HPX: variants seen among roughly 807,000 people sequenced by gnomAD.
HPX encodes the protein beta-1B-glycoprotein.
HPX carries 42 observed loss-of-function variants against 53.8 expected under a neutral mutation model. That is an observed-to-expected ratio of 0.78 (90% CI 0.61 to 1.01). HPX has a LOEUF of 1.01. Among genes scored for constraint, HPX ranks in the 50% least tolerant of loss-of-function variants. HPX has a pLI of 0.00. For missense variants in HPX, 547 were observed against 594.3 expected (o/e 0.92, Z 0.83); for synonymous variants, 229 against 221.1 (o/e 1.04, Z -0.32).
At chr11:6,433,306 A>G (rs1300342032) in intron 7 of HPX, among the ~76,000 whole-genome samples, 1 of 152,166 alleles carries the variant, frequency 6.6e-6, no homozygotes, top group African/African-American at 2.4e-5. Context: ...CCTCCCAAGT[A>G]GGCTGAGATT....
Position 6,437,082 on chromosome 11 carries a change from T to A in HPX, c.799A>T (p.Thr267Ser). ...TAGGTGGCACCATGGTTGTCAGACG[T>A]CAGTGCAGACAAGACTAGATGTGGG... is the stretch of plus-strand genomic sequence containing the variant. ...CSPHLVLSAL[T>S]SDNHGATYAF... Residue 267 changes from threonine to serine, a missense_variant, in exon 7 of 10, where the codon ACG becomes TCG. By Grantham distance (58) the Thr-to-Ser change is moderately conservative. Transcript: ENST00000265983. 1 of 1,614,078 alleles carries A rather than the reference T, an allele frequency of 6.2e-7. No individual in the cohort carries two copies. The highest frequency in any genetic ancestry group is 1.1e-5 in the South Asian group (1 of 91,084).
At chr11:6,438,637 T>C in intron 4 of HPX, 128 bp from the exon 5 acceptor site, 1 of 821,046 alleles carries the variant, frequency 1.2e-6, no homozygotes, top group East Asian at 2.6e-5. Context: ...TCAGTCCATC[T>C]GTGGACAACA....
At position 6,431,667 on chromosome 11, in the gene HPX, C is replaced by G. The variant is rs776401948; in HGVS notation, c.1103G>C (p.Gly368Ala). The G allele has an allele frequency of 1.9e-6, 3 of 1,613,922 alleles. No homozygotes were observed. Among genetic ancestry groups the G allele is most frequent in the Non-Finnish European group, 2.5e-6 (3 of 1,180,042 alleles). Residue 368 changes from glycine to alanine, a missense_variant, in exon 9 of 10, where the codon GGG (glycine) becomes GCG (alanine). Transcript: ENST00000265983. ...DSVDAAFICP[G>A]SSRLHIMAGR... ...TGCCATGATATGGAGCCGAGAAGACCCAGGGCAGATAAAGGCCGCATCCAC... is the reference window on the plus strand; with the variant it reads ...TGCCATGATATGGAGCCGAGAAGACGCAGGGCAGATAAAGGCCGCATCCAC...
At chr11:6,436,502 C>T (rs536469131) in intron 7 of HPX, among the ~76,000 whole-genome samples, 1 of 152,284 alleles carries the variant, frequency 6.6e-6, no homozygotes, top group East Asian at 1.9e-4. Flanking sequence ...GCTAGTGAAG[C>T]CAGCCTCTAA....
intron 7 of HPX, among the ~76,000 whole-genome samples, chr11:6,434,559 G>C (rs1421152689): frequency 6.6e-6 from 1 of 152,082 alleles, no homozygotes; most frequent in Non-Finnish European, 1.5e-5. Flanking sequence ...TAGAACTCCT[G>C]GACTCAAGTG....
rs1849467734 is a variant in HPX, at chr11:6,440,470, T to TA, written c.210dup (p.Lys71Ter). On this transcript the variant is annotated frameshift_variant, in exon 3 of 10. Coordinates refer to ENST00000265983, the MANE Select transcript of HPX (RefSeq NM_000613.3). LOFTEE classifies it high-confidence loss of function. ...CCCTAACCTCAGTCCCTCCTACCTT[T>TA]AAAAAACAGCATGGTTCCATTGTCA... 6.2e-7 allele frequency: 1 copy of TA among 1,606,130 alleles called. No individual in the cohort carries two copies. Among genetic ancestry groups the TA allele is most frequent in the Non-Finnish European group, 8.5e-7 (1 of 1,178,370 alleles).
Position 6,440,220 on chromosome 11 carries a change from G to A in HPX, c.281C>T (p.Pro94Leu), listed in dbSNP as rs955567812. 2 of 1,613,854 alleles carry A rather than the reference G, an allele frequency of 1.2e-6. No homozygotes were observed. The highest frequency in any genetic ancestry group is 1.7e-5 in the Admixed American group (1 of 59,986). ...ACGGAATGCAGCATCCACAGGGCTG[G>A]GGAAATTCTTCCATCTCTCTGAGAT... ...ELISERWKNF[P>L]SPVDAAFRQG... Residue 94 changes from proline to leucine, a missense_variant, in exon 4 of 10, where the codon CCC becomes CTC. Transcript: ENST00000265983.
chr11:6,438,088 T>C (rs1206122597), intron 5 of HPX: 3 of 532,822 alleles, frequency 5.6e-6, no homozygotes, highest in Non-Finnish European at 1.0e-5. Flanking sequence ...GACTTGTATG[T>C]AAGACTAAAG....
At position 6,432,031 on chromosome 11, in the gene HPX, T is replaced by C; in HGVS notation, c.836-14A>G. ...AGTAGTGGGTCCCTGTGGAATACCA[T>C]AGGTTGCTCTAGGGCCGCTGGCAGA... On this transcript the variant is annotated splice_polypyrimidine_tract_variant and intron_variant, in intron 7 of 9. Coordinates refer to ENST00000265983, the MANE Select transcript of HPX (RefSeq NM_000613.3). The C allele has an allele frequency of 1.2e-6, 2 of 1,613,882 alleles. No individual in the cohort carries two copies. Among genetic ancestry groups the C allele is most frequent in the East Asian group, 2.2e-5 (1 of 44,870 alleles).
rs34557454 is a variant in HPX at position 6,431,424 on chromosome 11, C to T, written c.1176G>A (p.Thr392=). The change falls in exon 10 of 10, where the codon ACG becomes ACA. Residue 392 remains threonine, a synonymous_variant. Coordinates refer to ENST00000265983, the MANE Select transcript of HPX (RefSeq NM_000613.3). ...WLDLKSGAQA[T]WTELPWPHEK... is the part of the protein sequence containing the mutation. The stretch of plus-strand genomic sequence containing the variant: ...CATGGGGCCAAGGAAGCTCTGTCCA[C>T]GTGGCTTGGGCTCCTGACTTCAGGT... The T allele has an allele frequency of 9.0e-4, 1,448 of 1,614,222 alleles. 14 individuals are homozygous for T. In the African/African-American group the frequency reaches 0.017, roughly 19 times the overall value.
chr11:6,435,168 G>A (rs1305197135), intron 7 of HPX, among the ~76,000 whole-genome samples: 4 of 152,042 alleles, frequency 2.6e-5, no homozygotes, highest in Admixed American at 1.3e-4. Context: ...CCAGCTATAC[G>A]GGAGGCTGAG....
chr11:6,440,452 C>T lies in HPX; in HGVS notation c.214+15G>A, dbSNP rs59774353. On this transcript the variant is annotated intron_variant, in intron 3 of 9. Transcript: ENST00000265983. ...AGTCTAAGGTCCTAAACGCCCTAAC[C>T]TCAGTCCCTCCTACCTTTAAAAAAC... 7.8e-5 allele frequency: 125 copies of T among 1,608,016 alleles called. No individual in the cohort carries two copies. In the African/African-American group the frequency reaches 1.6e-3, roughly 20 times the overall value.
chr11:6,436,562 T>C (rs958471068), intron 7 of HPX, among the ~76,000 whole-genome samples: 3 of 152,194 alleles, frequency 2.0e-5, no homozygotes, highest in Non-Finnish European at 4.4e-5. Flanking sequence ...AATGAGAACA[T>C]CTCATCCCCA....
At chr11:6,432,115 A>G in intron 7 of HPX, 98 bp from the exon 8 acceptor site, 1 of 1,387,012 alleles carries the variant, frequency 7.2e-7, no homozygotes, top group Non-Finnish European at 1.0e-6. Flanking sequence ...GAGGGAGAGA[A>G]TGCATCCAGA....
At position 6,437,507 on chromosome 11, in the gene HPX, G is replaced by C. The variant is rs1344064932; in HGVS notation, c.636C>G (p.Val212=). ...QGNQFLRFDP[V]RGEVPPRYPR... ...GGTACCTGGGAGGCACCTCTCCCCT[G>C]ACAGGGTCGAAGCGCAGGAATTGGT... The change falls in exon 6 of 10, where the codon GTC becomes GTG. Residue 212 remains valine (V), a synonymous_variant. Transcript: ENST00000265983. The C allele has an allele frequency of 6.2e-7, 1 of 1,614,224 alleles. No homozygotes were observed. Among genetic ancestry groups the C allele is most frequent in the South Asian group, 1.1e-5 (1 of 91,088 alleles).
At position 6,431,325 on chromosome 11, in the gene HPX, C is replaced by T; in HGVS notation, c.1275G>A (p.Leu425=). The change falls in exon 10 of 10, where the codon TTG becomes TTA. Residue 425 remains leucine, a synonymous_variant. Transcript: ENST00000265983. ...PNSCSANGPG[L]YLIHGPNLYC... is the part of the protein sequence containing the mutation. ...ACAAATTGGGACCATGGATGAGGTA[C>T]AAGCCGGGACCATTGGCGGAACATG... 1 of 1,614,264 alleles carries T rather than the reference C, an allele frequency of 6.2e-7. No homozygotes were observed. Among genetic ancestry groups the T allele is most frequent in the Non-Finnish European group, 8.5e-7 (1 of 1,180,052 alleles).
At chr11:6,439,930 G>T in intron 4 of HPX, 1 of 569,494 alleles carries the variant, frequency 1.8e-6, no homozygotes, top group Non-Finnish European at 3.2e-6. Flanking sequence ...GTGAGGTACA[G>T]CAGAGCGGTG....
chr11:6,433,313 G>A (rs1358830552), intron 7 of HPX, among the ~76,000 whole-genome samples: 1 of 152,228 alleles, frequency 6.6e-6, no homozygotes, highest in African/African-American at 2.4e-5. Context: ...AGTAGGCTGA[G>A]ATTACAGGCA....
Position 6,440,403 on chromosome 11 carries a change from G to A in HPX, c.214+64C>T, listed in dbSNP as rs1849466900. On this transcript the variant is annotated intron_variant, in intron 3 of 9. Transcript: ENST00000265983. Reference sequence around the variant, plus strand: ...AATTCCTAAGACCTCCCACAGACAGGGACACCCTTTGTGAAGGAGAGTAAG... The same window carrying A: ...AATTCCTAAGACCTCCCACAGACAGAGACACCCTTTGTGAAGGAGAGTAAG... The A allele has an allele frequency of 3.8e-6, 6 of 1,589,634 alleles. No individual in the cohort carries two copies. In the Admixed American group the frequency reaches 1.0e-4, roughly 27 times the overall value.
Sources: allele counts gnomAD v4.1 joint callset (sites outside exome capture counted in the v4.1 genomes callset), GRCh38; gene constraint gnomAD v4.1.1; transcripts MANE v1.5; gene names NCBI Gene and HGNC (gene_info 2026-07-23, HGNC 2026-07-21).